MYL3: variants seen among roughly 807,000 people sequenced by gnomAD.
MYL3 encodes myosin light chain 3, also known as CMLC1.
MYL3 carries 11 observed loss-of-function variants against 21.3 expected under a neutral mutation model. That is an observed-to-expected ratio of 0.52 (90% CI 0.32 to 0.85). MYL3 has a LOEUF of 0.85. Among genes scored for constraint, MYL3 ranks in the 40% least tolerant of loss-of-function variants. The pLI is 0.03. For missense variants in MYL3, 206 were observed against 253.3 expected (o/e 0.81, Z 1.27); for synonymous variants, 88 against 91.6 (o/e 0.96, Z 0.22).
chr3:46,875,299 C>T lies in MYL3; in HGVS notation c.-218+6775G>A, dbSNP rs143447751. Among the ~76,000 whole-genome samples the T allele has an allele frequency of 2.0e-5, 3 of 152,284 alleles. No individual in the cohort carries two copies. The East Asian group carries it at 5.8e-4, about 29-fold the overall frequency. ...CATCCAATCCCAGTGCTTCCCCTTC[C>T]GGTGAAGACCTCCTGCTGAACAGAT... On this transcript the variant is annotated intron_variant, in intron 1 of 3. Coordinates refer to the MYL3 transcript ENST00000431168.
intron 1 of MYL3, among the ~76,000 whole-genome samples, chr3:46,870,177 C>T (rs1214376685): frequency 1.3e-5 from 2 of 152,030 alleles, no homozygotes; most frequent in Admixed American, 6.5e-5. Flanking sequence ...TCATGCCACC[C>T]CTCACCCCGG....
At chr3:46,863,220 C>G in intron 1 of MYL3, 42 bp downstream of exon 1, 1 of 1,613,060 alleles carries the variant, frequency 6.2e-7, no homozygotes, top group Non-Finnish European at 8.5e-7. Context: ...GATCCACTCA[C>G]TTGCCCTGCT....
At position 46,860,999 on chromosome 3, in the gene MYL3, C is replaced by A. The variant is rs2106910597; in HGVS notation, c.130-12G>T. On this transcript the variant is annotated splice_polypyrimidine_tract_variant and intron_variant, in intron 1 of 6. Transcript: ENST00000292327. The surrounding 1 kb of genome is among the most constrained non-coding windows in gnomAD (Gnocchi z 4.6). Reference sequence around the variant, plus strand: ...GGTGTGAACTCAATCTGAAAAGAGACCCCAAAGACTCAGATGCCCGGCTTA... The same window carrying A: ...GGTGTGAACTCAATCTGAAAAGAGAACCCAAAGACTCAGATGCCCGGCTTA... 2 of 1,614,020 alleles carry A rather than the reference C, an allele frequency of 1.2e-6. No individual in the cohort carries two copies. Among genetic ancestry groups the A allele is most frequent in the Non-Finnish European group, 1.7e-6 (2 of 1,180,000 alleles).
Position 46,859,506 on chromosome 3 carries a change from A to G in MYL3, c.450T>C (p.Gly150=), listed in dbSNP as rs1401349000. Residue 150 remains glycine (G), a synonymous_variant, in exon 4 of 7, where the codon GGT becomes GGC. Transcript: ENST00000292327. This position sits in a 1 kb window ranked among gnomAD's most constrained non-coding sequence, Gnocchi z 4.1. ...TGGCCAGCACGTGGCGAAGCTCAGC[A>G]CCCATGACAGTGCCATTGCCCTCCT... ...FDKEGNGTVM[G]AELRHVLATL... is the part of the protein sequence containing the mutation. 1 of 1,614,050 alleles carries G rather than the reference A, an allele frequency of 6.2e-7. No homozygotes were observed. Among genetic ancestry groups the G allele is most frequent in the African/African-American group, 1.3e-5 (1 of 74,924 alleles).
chr3:46,862,111 C>A (rs3792561), intron 1 of MYL3, among the ~76,000 whole-genome samples: 4 of 152,196 alleles, frequency 2.6e-5, no homozygotes, highest in African/African-American at 9.6e-5. Context: ...TGAGGGGTCT[C>A]ATTGTCCCCA....
chr3:46,858,348 C>A (rs1259716774), intron 5 of MYL3, 36 bp downstream of exon 5: 2 of 1,613,904 alleles, frequency 1.2e-6, no homozygotes, highest in Non-Finnish European at 8.5e-7. Flanking sequence ...TCCCAGCACT[C>A]CCCTCCCAGA....
At chr3:46,862,147 C>A (rs1055872202) in intron 1 of MYL3, among the ~76,000 whole-genome samples, 1 of 152,182 alleles carries the variant, frequency 6.6e-6, no homozygotes, top group Non-Finnish European at 1.5e-5. Flanking sequence ...TCTGTGCCAA[C>A]CTAAGGCCTG....
intron 1 of MYL3, among the ~76,000 whole-genome samples, chr3:46,868,559 G>A (rs1001557135): frequency 3.9e-5 from 6 of 152,172 alleles, no homozygotes; most frequent in African/African-American, 4.8e-5. Context: ...CTCTGATCCC[G>A]GCCCAGGACT....
upstream of MYL3, among the ~76,000 whole-genome samples, chr3:46,864,465 G>A (rs1702027906): frequency 6.6e-6 from 1 of 151,972 alleles, no homozygotes; most frequent in African/African-American, 2.4e-5. The surrounding 1 kb of genome is among the most constrained non-coding windows in gnomAD (Gnocchi z 4.7). Flanking sequence ...ACAGGCCCCA[G>A]GGATGCACAT....
chr3:46,865,896 T>C (rs138317132), upstream of MYL3, among the ~76,000 whole-genome samples: 417 of 152,222 alleles, frequency 2.7e-3, no homozygotes, highest in African/African-American at 9.4e-3. This position sits in a 1 kb window ranked among gnomAD's most constrained non-coding sequence, Gnocchi z 4.3. Context: ...AGGGCCAGGA[T>C]GGTGACTGCC....
In MYL3 at chr3:46,861,967, G is replaced by A. The variant is rs1335442512; in HGVS notation, c.130-980C>T. Among the ~76,000 whole-genome samples the A allele has an allele frequency of 6.6e-6, 1 of 152,214 alleles. No homozygotes were observed. Among genetic ancestry groups the A allele is most frequent in the African/African-American group, 2.4e-5 (1 of 41,448 alleles). ...GGCTTCTGGCTTGACCCAGTGTTGG[G>A]AAGAACAGGTTGTCATTCCTGGCTC... On this transcript the variant is annotated intron_variant, in intron 1 of 6. Transcript: ENST00000292327. The surrounding 1 kb of genome is among the most constrained non-coding windows in gnomAD (Gnocchi z 4.2).
Position 46,874,884 on chromosome 3 carries a change from A to G in MYL3, c.-218+7190T>C, listed in dbSNP as rs1247796126. On this transcript the variant is annotated intron_variant, in intron 1 of 3. Coordinates refer to the MYL3 transcript ENST00000431168. This position sits in a 1 kb window ranked among gnomAD's most constrained non-coding sequence, Gnocchi z 4.1. ...CAGTGGCTGGCCAGGTTGCCCGGGC[A>G]TGTGGGGGCACTGATGAAAGGGGAT... 1.3e-5 allele frequency among the ~76,000 whole-genome samples: 2 copies of G among 152,076 alleles called. No homozygotes were observed. The highest frequency in any genetic ancestry group is 2.9e-5 in the Non-Finnish European group (2 of 68,002).
intron 1 of MYL3, among the ~76,000 whole-genome samples, chr3:46,876,402 G>A (rs189467178): frequency 1.3e-4 from 20 of 152,356 alleles, no homozygotes; most frequent in African/African-American, 3.6e-4. Flanking sequence ...ACTGACCTCC[G>A]CTGGCCTGGT....
chr3:46,858,148 G>T, intron 6 of MYL3, 47 bp from the exon 7 acceptor site: 1 of 1,470,280 alleles, frequency 6.8e-7, no homozygotes, highest in Non-Finnish European at 9.5e-7. Context: ...GGAGACGGAG[G>T]CAGCAGGATG....
rs1701993208 is a variant in MYL3, at chr3:46,861,601, G to A, written c.130-614C>T. ...ACTATACCTATTTCTCACACACCCT[G>A]TCCGTAGGTCCCTGGGAAGCTCCCA... On this transcript the variant is annotated intron_variant, in intron 1 of 6. Transcript: ENST00000292327. The surrounding 1 kb of genome is among the most constrained non-coding windows in gnomAD (Gnocchi z 4.2). Among the ~76,000 whole-genome samples, 1 of 152,154 alleles carries A rather than the reference G, an allele frequency of 6.6e-6. No individual in the cohort carries two copies. The highest frequency in any genetic ancestry group is 1.5e-5 in the Non-Finnish European group (1 of 68,024).
chr3:46,866,913 C>T (rs545103838), upstream of MYL3, among the ~76,000 whole-genome samples: 21 of 152,280 alleles, frequency 1.4e-4, no homozygotes, highest in Non-Finnish European at 2.2e-4. Flanking sequence ...GACTGGACCA[C>T]GATCAGCCAG....
chr3:46,871,066 A>AT (rs1475738935), intron 1 of MYL3, among the ~76,000 whole-genome samples: 5 of 152,322 alleles, frequency 3.3e-5, no homozygotes, highest in African/African-American at 9.6e-5. Context: ...ACACATTCAC[A>AT]TGCCTTTGCA....
rs1701994660 is a variant in MYL3 at position 46,861,741 on chromosome 3, C to T, written c.130-754G>A. On this transcript the variant is annotated intron_variant, in intron 1 of 6. Coordinates refer to ENST00000292327, the MANE Select transcript of MYL3 (RefSeq NM_000258.3). The surrounding 1 kb of genome is among the most constrained non-coding windows in gnomAD (Gnocchi z 4.2). ...CCTCCCGGGATCCAGTGTCCCCCTC[C>T]TCACCGGATACCAGGTCTATTTTTA... 6.6e-6 allele frequency among the ~76,000 whole-genome samples: 1 copy of T among 152,168 alleles called. No individual in the cohort carries two copies. Among genetic ancestry groups the T allele is most frequent in the Non-Finnish European group, 1.5e-5 (1 of 68,038 alleles).
chr3:46,858,549 T>A, intron 4 of MYL3, 88 bp from the exon 5 acceptor site: 1 of 1,291,894 alleles, frequency 7.7e-7, no homozygotes, highest in Non-Finnish European at 1.1e-6. Flanking sequence ...AGATGGTGGC[T>A]CAACCTCTCC....
Sources: allele counts gnomAD v4.1 joint callset (sites outside exome capture counted in the v4.1 genomes callset), GRCh38; gene constraint gnomAD v4.1.1; non-coding constraint Gnocchi (gnomAD v3.1); transcripts MANE v1.5; gene names NCBI Gene and HGNC (gene_info 2026-07-23, HGNC 2026-07-21).